SCAPER: variants seen among roughly 807,000 people sequenced by gnomAD.
SCAPER encodes S-phase cyclin A associated protein in the ER.
In SCAPER, 98 loss-of-function variants were observed where a neutral mutation model predicts 182.2. The observed-to-expected ratio is 0.54, with a 90% CI of 0.46 to 0.64. SCAPER has a LOEUF of 0.64. Ranked by LOEUF, SCAPER falls within the 30% of genes least tolerant of loss-of-function variation. SCAPER has a pLI of 0.00. For missense variants in SCAPER, 1,432 were observed against 1,690.0 expected, an observed-to-expected ratio of 0.85 and a Z score of 2.68; for synonymous variants, 605 against 564.6, an observed-to-expected ratio of 1.07 and a Z score of -1.01.
chr15:76,713,063 T>C (rs530337330), intron 17 of SCAPER, among the ~76,000 whole-genome samples: 3 of 152,244 alleles, frequency 2.0e-5, no homozygotes, highest in East Asian at 3.9e-4. Context: ...CAGTATGATA[T>C]TGGCTGTGGG....
At chr15:76,488,876 C>A (rs1210907929) in intron 24 of SCAPER, among the ~76,000 whole-genome samples, 1 of 151,290 alleles carries the variant, frequency 6.6e-6, no homozygotes, top group Non-Finnish European at 1.5e-5. Context: ...GCGCGCATGA[C>A]CACACCCAGC....
chr15:76,805,608 G>A (rs1375281010), intron 5 of SCAPER, among the ~76,000 whole-genome samples: 1 of 142,676 alleles, frequency 7.0e-6, no homozygotes, highest in East Asian at 2.1e-4. Flanking sequence ...CACCCAGGCT[G>A]GAGTGCAGTG....
intron 8 of SCAPER, among the ~76,000 whole-genome samples, chr15:76,782,806 A>G (rs2064256287): frequency 6.6e-6 from 1 of 152,202 alleles, no homozygotes; most frequent in Non-Finnish European, 1.5e-5. Flanking sequence ...AAATAAAGGC[A>G]GAAATAAAGA....
chr15:76,680,383 A>G (rs2057624279), intron 20 of SCAPER, among the ~76,000 whole-genome samples: 1 of 149,654 alleles, frequency 6.7e-6, no homozygotes, highest in Non-Finnish European at 1.5e-5. Flanking sequence ...CACAGGGACA[A>G]AGTAGGTCAT....
chr15:76,776,446 T>G (rs1342778813), intron 8 of SCAPER, among the ~76,000 whole-genome samples: 2 of 151,978 alleles, frequency 1.3e-5, no homozygotes, highest in Admixed American at 1.3e-4. Flanking sequence ...TAGGGCCCAA[T>G]AGTGAACAAA....
chr15:76,710,608 C>T (rs2059509263), intron 17 of SCAPER, among the ~76,000 whole-genome samples: 1 of 151,932 alleles, frequency 6.6e-6, no homozygotes, highest in South Asian at 2.1e-4. Flanking sequence ...AACTACAAAA[C>T]CTTGTTGTCA....
At chr15:76,693,245 T>C (rs574087891) in intron 20 of SCAPER, among the ~76,000 whole-genome samples, 12 of 152,192 alleles carry the variant, frequency 7.9e-5, no homozygotes, top group Non-Finnish European at 1.2e-4. Flanking sequence ...CAGTAAATCA[T>C]AGAAAATTTA....
At chr15:76,503,479 T>C (rs1260214044) in intron 24 of SCAPER, among the ~76,000 whole-genome samples, 1 of 152,224 alleles carries the variant, frequency 6.6e-6, no homozygotes, top group African/African-American at 2.4e-5. Context: ...TGTCAAAAGC[T>C]TGTACTTAGA....
At chr15:76,728,454 A>G in intron 17 of SCAPER, 141 bp downstream of exon 17, 1 of 1,052,270 alleles carries the variant, frequency 9.5e-7, no homozygotes, top group Non-Finnish European at 1.4e-6. Flanking sequence ...GGATCACTTG[A>G]GTCAGAGAGT....
chr15:76,643,062 T>C (rs2054230614), intron 21 of SCAPER, among the ~76,000 whole-genome samples: 1 of 152,186 alleles, frequency 6.6e-6, no homozygotes, highest in South Asian at 2.1e-4. Flanking sequence ...ACTGGCTTAC[T>C]ATAGCCACAG....
At chr15:76,415,083 G>T (rs1192373598) in intron 26 of SCAPER, among the ~76,000 whole-genome samples, 1 of 152,036 alleles carries the variant, frequency 6.6e-6, no homozygotes, top group African/African-American at 2.4e-5. Context: ...TAATGAAGAC[G>T]ACAAAAACAA....
intron 6 of SCAPER, among the ~76,000 whole-genome samples, chr15:76,800,785 G>A (rs1167386724): frequency 3.3e-5 from 5 of 152,166 alleles, no homozygotes; most frequent in East Asian, 1.9e-4. Flanking sequence ...GAAAGAATAC[G>A]GTAAGGGTTA....
chr15:76,816,150 A>G (rs974693454), intron 5 of SCAPER, among the ~76,000 whole-genome samples: 1 of 152,178 alleles, frequency 6.6e-6, no homozygotes, highest in African/African-American at 2.4e-5. Flanking sequence ...TATAAACTAC[A>G]TATTTAGACT....
At chr15:76,820,909 T>TC (rs1598919108) in intron 5 of SCAPER, among the ~76,000 whole-genome samples, 1 of 152,120 alleles carries the variant, frequency 6.6e-6, no homozygotes, top group East Asian at 1.9e-4. Flanking sequence ...GAAATGCAGA[T>TC]TAAAGTAACA....
At chr15:76,493,455 T>C (rs1007031240) in intron 24 of SCAPER, among the ~76,000 whole-genome samples, 10 of 152,172 alleles carry the variant, frequency 6.6e-5, no homozygotes, top group Non-Finnish European at 1.3e-4. Flanking sequence ...CATATATATT[T>C]TAAACACCAA....
chr15:76,588,297 T>C (rs1235709055), intron 22 of SCAPER, among the ~76,000 whole-genome samples: 1 of 152,212 alleles, frequency 6.6e-6, no homozygotes, highest in Non-Finnish European at 1.5e-5. Flanking sequence ...CATATATGTT[T>C]AGGATTGTGA....
At chr15:76,404,774 C>A in intron 26 of SCAPER, 95 bp from the exon 27 acceptor site, 1 of 1,217,862 alleles carries the variant, frequency 8.2e-7, no homozygotes. Flanking sequence ...GGCTTGGACC[C>A]CTCAAACATG....
At position 76,453,003 on chromosome 15, in the gene SCAPER, T is replaced by A. The variant is rs555779910; in HGVS notation, c.3078+18209A>T. On this transcript the variant is annotated intron_variant, in intron 25 of 31. Transcript: ENST00000563290. ...GTGCCACCACACCCAGCTAAATTTTTAAAAAATGTTTGTAGTGATGGGGTC... is the reference window on the plus strand; with the variant it reads ...GTGCCACCACACCCAGCTAAATTTTAAAAAAATGTTTGTAGTGATGGGGTC... 2.6e-4 allele frequency among the ~76,000 whole-genome samples: 40 copies of A among 152,230 alleles called. 1 individual carries two copies. Among genetic ancestry groups the A allele is most frequent in the Admixed American group, 2.2e-3 (34 of 15,298 alleles).
rs893398113 is a variant in SCAPER at position 76,478,448 on chromosome 15, C to T, written c.2955-7113G>A. Among the ~76,000 whole-genome samples the T allele has an allele frequency of 2.0e-5, 3 of 151,970 alleles. No individual in the cohort carries two copies. The East Asian group carries it at 5.8e-4, about 29-fold the overall frequency. ...TAACAATTTTTGTAGTTTTCTTTTT[C>T]CTGCTTTTCTTTTTGTGCTTTAAAA... On this transcript the variant is annotated intron_variant, in intron 24 of 31. Coordinates refer to ENST00000563290, the MANE Select transcript of SCAPER (RefSeq NM_020843.4).
Sources: allele counts gnomAD v4.1 joint callset (sites outside exome capture counted in the v4.1 genomes callset), GRCh38; gene constraint gnomAD v4.1.1; transcripts MANE v1.5; gene names NCBI Gene and HGNC (gene_info 2026-07-23, HGNC 2026-07-21).